DOCK3: variants seen among roughly 807,000 people sequenced by gnomAD.
DOCK3 encodes the protein dedicator of cytokinesis 3, also known as dedicator of cytokinesis protein 3.
DOCK3 carries 60 observed loss-of-function variants against 265.6 expected under a neutral mutation model. The ratio of observed to expected loss-of-function variants is 0.23; its 90% CI spans 0.18 to 0.28. The LOEUF is 0.28. Ranked by LOEUF, DOCK3 falls within the 10% of genes least tolerant of loss-of-function variation. The pLI is 1.00. For synonymous variants in DOCK3, 881 were observed against 938.0 expected, an observed-to-expected ratio of 0.94 and a Z score of 1.11; for missense variants, 1,981 against 2,594.3, an observed-to-expected ratio of 0.76 and a Z score of 5.14.
intron 14 of DOCK3, among the ~76,000 whole-genome samples, chr3:51,220,849 C>T (rs554817612): frequency 2.3e-4 from 35 of 151,700 alleles, no homozygotes; most frequent in Non-Finnish European, 4.4e-4. Context: ...TTTGGGCCTT[C>T]GCACATTATT....
At chr3:51,296,698 G>A (rs898791093) in intron 27 of DOCK3, among the ~76,000 whole-genome samples, 2 of 151,904 alleles carry the variant, frequency 1.3e-5, no homozygotes, top group South Asian at 2.1e-4. Flanking sequence ...GGATGGTCTC[G>A]ATCTCCTGAC....
chr3:50,815,145 C>G (rs2044004333), intron 2 of DOCK3, among the ~76,000 whole-genome samples: 1 of 152,124 alleles, frequency 6.6e-6, no homozygotes, highest in Non-Finnish European at 1.5e-5. Flanking sequence ...TATAGATTCA[C>G]TCTGCAGTAT....
chr3:50,700,146 G>C (rs2035941629), intron 1 of DOCK3, among the ~76,000 whole-genome samples: 1 of 152,106 alleles, frequency 6.6e-6, no homozygotes, highest in African/African-American at 2.4e-5. Flanking sequence ...AGATGTAGTG[G>C]TGCGTGCCTC....
intron 2 of DOCK3, among the ~76,000 whole-genome samples, chr3:50,810,593 C>T (rs768395049): frequency 1.3e-4 from 19 of 151,780 alleles, no homozygotes; most frequent in African/African-American, 7.3e-5. Context: ...TGCACACTTA[C>T]GGATGTTACA....
At chr3:51,162,980 T>A (rs1483099439) in intron 12 of DOCK3, among the ~76,000 whole-genome samples, 1 of 152,216 alleles carries the variant, frequency 6.6e-6, no homozygotes, top group Non-Finnish European at 1.5e-5. Flanking sequence ...ATCAAATGCA[T>A]GTTTGTGAAA....
At chr3:50,719,242 CCTCT>C (rs1470691192) in intron 1 of DOCK3, among the ~76,000 whole-genome samples, 1 of 148,444 alleles carries the variant, frequency 6.7e-6, no homozygotes, top group Non-Finnish European at 1.5e-5. Flanking sequence ...CTTGTTTTTT[CCTCT>C]CTGTTTCAGT....
intron 1 of DOCK3, among the ~76,000 whole-genome samples, chr3:50,685,042 A>G (rs2034684700): frequency 6.6e-6 from 1 of 152,036 alleles, no homozygotes; most frequent in Non-Finnish European, 1.5e-5. Flanking sequence ...TATTGTATAT[A>G]CATTTAAGTA....
At chr3:50,817,488 G>A (rs1408996313) in intron 2 of DOCK3, among the ~76,000 whole-genome samples, 3 of 151,616 alleles carry the variant, frequency 2.0e-5, no homozygotes, top group South Asian at 2.1e-4. Flanking sequence ...TAGAGACAGA[G>A]GTCCCCCTGT....
intron 9 of DOCK3, among the ~76,000 whole-genome samples, chr3:51,128,369 T>A (rs2084359682): frequency 6.6e-6 from 1 of 152,208 alleles, no homozygotes; most frequent in African/African-American, 2.4e-5. Context: ...TGTCACATAG[T>A]TGGCATTGTA....
At chr3:51,354,773 G>C in intron 40 of DOCK3, 109 bp from the exon 41 acceptor site, 2 of 1,499,342 alleles carry the variant, frequency 1.3e-6, no homozygotes, top group Non-Finnish European at 1.8e-6. Context: ...GCCTGATACA[G>C]AGAAGGCTCC....
chr3:51,151,151 T>C (rs914172872), intron 10 of DOCK3, among the ~76,000 whole-genome samples: 3 of 152,144 alleles, frequency 2.0e-5, no homozygotes, highest in African/African-American at 7.2e-5. Context: ...TTTTTTTGCT[T>C]TCCATTTGCT....
intron 38 of DOCK3, among the ~76,000 whole-genome samples, chr3:51,347,351 A>G (rs1272535401): frequency 2.6e-5 from 4 of 152,178 alleles, no homozygotes; most frequent in Non-Finnish European, 5.9e-5. Flanking sequence ...TCAGCTTTCT[A>G]CATATGGCTA....
chr3:51,148,562 G>T (rs2085412604), intron 10 of DOCK3, among the ~76,000 whole-genome samples: 1 of 152,134 alleles, frequency 6.6e-6, no homozygotes, highest in African/African-American at 2.4e-5. Flanking sequence ...TCTACATATG[G>T]CTAGCCAGTT....
chr3:51,025,753 T>A (rs1238417216), intron 5 of DOCK3, among the ~76,000 whole-genome samples: 1 of 152,204 alleles, frequency 6.6e-6, no homozygotes. Context: ...CTTCCCTTGG[T>A]TCACACTGGA....
intron 12 of DOCK3, among the ~76,000 whole-genome samples, chr3:51,191,219 A>T (rs893364692): frequency 1.3e-4 from 20 of 152,050 alleles, no homozygotes; most frequent in African/African-American, 4.8e-4. Flanking sequence ...TGGCTCCTGC[A>T]CTCCTAGCTA....
At chr3:50,955,682 G>A (rs968219903) in intron 5 of DOCK3, among the ~76,000 whole-genome samples, 16 of 152,156 alleles carry the variant, frequency 1.1e-4, no homozygotes, top group South Asian at 2.1e-4. Flanking sequence ...GCCTACTTGA[G>A]GGTGAAGAGT....
chr3:50,862,512 TA>T (rs35279440), intron 3 of DOCK3, among the ~76,000 whole-genome samples: 15,087 of 152,214 alleles, frequency 0.099, 924 homozygotes, highest in Non-Finnish European at 0.13. Flanking sequence ...GGAGTGTGCT[TA>T]AGTTCTTAGG....
At chr3:50,751,258 C>T (rs2039783464) in intron 1 of DOCK3, among the ~76,000 whole-genome samples, 1 of 141,770 alleles carries the variant, frequency 7.1e-6, no homozygotes. Flanking sequence ...AAAGAATGGA[C>T]TTTTTTTTTT....
intron 1 of DOCK3, among the ~76,000 whole-genome samples, chr3:50,762,837 ATGTT>A (rs2040617833): frequency 6.6e-6 from 1 of 151,762 alleles, no homozygotes; most frequent in Non-Finnish European, 1.5e-5. Flanking sequence ...TCCTTGTGAT[ATGTT>A]TGTTTGGTTT....
Sources: allele counts gnomAD v4.1 joint callset (sites outside exome capture counted in the v4.1 genomes callset), GRCh38; gene constraint gnomAD v4.1.1; transcripts MANE v1.5; gene names NCBI Gene and HGNC (gene_info 2026-07-23, HGNC 2026-07-21).